The following MCUB variants were observed in gnomAD, a reference collection of about 807,000 sequenced individuals.
MCUB encodes the protein mitochondrial calcium uniporter dominant negative subunit beta, also known as calcium uniporter regulatory subunit MCUb, mitochondrial.
A neutral mutation model predicts 41.4 loss-of-function variants in MCUB; 46 were observed. The observed-to-expected ratio is 1.11, with a 90% CI of 0.88 to 1.42. The LOEUF is 1.42. Among genes scored for constraint, MCUB ranks in the 40% most tolerant of loss-of-function variants. The pLI is 0.00. For missense variants in MCUB, 403 were observed against 404.9 expected, an observed-to-expected ratio of 1.00 and a Z score of 0.04; for synonymous variants, 148 against 148.2, an observed-to-expected ratio of 1.00 and a Z score of 0.01.
chr4:109,564,903 A>G (rs903271166), intron 1 of MCUB, among the ~76,000 whole-genome samples: 2 of 152,212 alleles, frequency 1.3e-5, no homozygotes, highest in Admixed American at 1.3e-4. Context: ...TTTCTTTGAG[A>G]GAGAACTATA....
chr4:109,604,971 C>A (rs1239496096), intron 1 of MCUB, among the ~76,000 whole-genome samples: 1 of 152,076 alleles, frequency 6.6e-6, no homozygotes, highest in Non-Finnish European at 1.5e-5. Flanking sequence ...GGATATTGAC[C>A]TGTAGATTTC....
At chr4:109,656,241 G>A (rs951822926) in intron 1 of MCUB, among the ~76,000 whole-genome samples, 3 of 151,512 alleles carry the variant, frequency 2.0e-5, no homozygotes, top group Non-Finnish European at 4.4e-5. Context: ...GGTAGGTAAC[G>A]TGTAGAAAAA....
chr4:109,680,960 TG>T (rs1381507277), intron 4 of MCUB, among the ~76,000 whole-genome samples: 2 of 152,164 alleles, frequency 1.3e-5, no homozygotes, highest in African/African-American at 4.8e-5. Context: ...TATAAACCCA[TG>T]GAGGAGGTGG....
At chr4:109,623,070 C>T (rs1182234730) in intron 1 of MCUB, among the ~76,000 whole-genome samples, 10 of 152,100 alleles carry the variant, frequency 6.6e-5, no homozygotes, top group Non-Finnish European at 1.3e-4. Flanking sequence ...TCAAGATAAT[C>T]GCCCTGCATG....
At chr4:109,618,107 C>T (rs1339033992) in intron 1 of MCUB, among the ~76,000 whole-genome samples, 3 of 152,150 alleles carry the variant, frequency 2.0e-5, no homozygotes, top group Non-Finnish European at 4.4e-5. Flanking sequence ...AAGCTATACC[C>T]AGTCTTTCTG....
intron 4 of MCUB, among the ~76,000 whole-genome samples, chr4:109,665,161 T>G (rs1250184852): frequency 1.3e-5 from 2 of 152,228 alleles, no homozygotes; most frequent in Non-Finnish European, 2.9e-5. Context: ...GTGTTGTATA[T>G]TCTATAGATT....
At chr4:109,567,402 A>C (rs1370218299) in intron 1 of MCUB, among the ~76,000 whole-genome samples, 1 of 152,066 alleles carries the variant, frequency 6.6e-6, no homozygotes, top group Non-Finnish European at 1.5e-5. Context: ...TGTACAGTAC[A>C]TACATGTTAT....
At chr4:109,641,751 T>A (rs1271511694) in intron 1 of MCUB, among the ~76,000 whole-genome samples, 1 of 152,244 alleles carries the variant, frequency 6.6e-6, no homozygotes, top group Non-Finnish European at 1.5e-5. Context: ...TTGTCAGTTC[T>A]CTGTGTATTC....
intron 1 of MCUB, among the ~76,000 whole-genome samples, chr4:109,610,101 C>G (rs1462385635): frequency 6.6e-6 from 1 of 152,200 alleles, no homozygotes; most frequent in Non-Finnish European, 1.5e-5. Context: ...CCAATGTTCA[C>G]TTAAGGCCCA....
At chr4:109,628,710 G>A (rs6830801) in intron 1 of MCUB, among the ~76,000 whole-genome samples, 16,049 of 152,220 alleles carry the variant, frequency 0.11, 944 homozygotes, top group African/African-American at 0.14. Context: ...GGAAAAGTAG[G>A]TGAAGGGCTG....
intron 4 of MCUB, among the ~76,000 whole-genome samples, chr4:109,681,251 T>C (rs750784908): frequency 2.0e-5 from 3 of 151,912 alleles, no homozygotes; most frequent in Non-Finnish European, 4.4e-5. Flanking sequence ...ATTTTTAGAG[T>C]TGTGACAAGT....
At chr4:109,670,440 AG>A in intron 4 of MCUB, among the ~76,000 whole-genome samples, 1 of 152,308 alleles carries the variant, frequency 6.6e-6, no homozygotes, top group South Asian at 2.1e-4. Context: ...GAATTTGGCC[AG>A]GCGCAGTGGT....
chr4:109,612,911 C>T (rs959468940), intron 1 of MCUB, among the ~76,000 whole-genome samples: 1 of 152,130 alleles, frequency 6.6e-6, no homozygotes, highest in African/African-American at 2.4e-5. Context: ...TCAAGACCAT[C>T]CTGGCTAACA....
intron 4 of MCUB, among the ~76,000 whole-genome samples, chr4:109,668,418 TC>T (rs977465882): frequency 2.0e-5 from 3 of 152,168 alleles, no homozygotes; most frequent in African/African-American, 7.2e-5. Context: ...CTTTCCTTGC[TC>T]TAATGTCTGT....
rs1411824370 is a variant in MCUB, at chr4:109,688,302, T to TGTTA, written c.*711_*714dup. The TGTTA allele has an allele frequency of 6.6e-6, 1 of 152,358 alleles. No homozygotes were observed. Among genetic ancestry groups the TGTTA allele is most frequent in the African/African-American group, 2.4e-5 (1 of 41,574 alleles). The allele number at this position is 152,358 out of a possible 1,614,324, so 9.4% of individuals were successfully genotyped here. A position where few individuals can be genotyped will look rare whatever the true frequency, so the allele number is the denominator to read the frequency against. On this transcript the variant is annotated 3_prime_UTR_variant, in exon 8 of 8. Coordinates refer to ENST00000394650, the MANE Select transcript of MCUB (RefSeq NM_017918.5). ...AGAATTGAACCTTGAAAGTAACATCTGTTATTCTATTAATGTGATTGTGTG... is the reference window on the plus strand; with the variant it reads ...AGAATTGAACCTTGAAAGTAACATCTGTTAGTTATTCTATTAATGTGATTGTGTG...
intron 3 of MCUB, among the ~76,000 whole-genome samples, chr4:109,661,073 T>C (rs1045554950): frequency 6.6e-6 from 1 of 152,216 alleles, no homozygotes; most frequent in African/African-American, 2.4e-5. Flanking sequence ...ACCACTGTTA[T>C]AAAGCAATTA....
At chr4:109,579,434 G>C (rs778070679) in intron 1 of MCUB, among the ~76,000 whole-genome samples, 6 of 152,130 alleles carry the variant, frequency 3.9e-5, no homozygotes, top group Non-Finnish European at 7.3e-5. Flanking sequence ...ATTTTTAGTA[G>C]AGACGGGGTT....
intron 1 of MCUB, among the ~76,000 whole-genome samples, chr4:109,602,402 A>G (rs1339637648): frequency 2.0e-5 from 3 of 152,230 alleles, no homozygotes; most frequent in Non-Finnish European, 4.4e-5. Context: ...AGCAAGAAAT[A>G]GGGGTTTAGT....
At chr4:109,591,855 C>T (rs1030719109) in intron 1 of MCUB, among the ~76,000 whole-genome samples, 1 of 151,842 alleles carries the variant, frequency 6.6e-6, no homozygotes, top group Non-Finnish European at 1.5e-5. Context: ...TGCGCCACCA[C>T]ACCTGGCTAA....
Sources: allele counts gnomAD v4.1 joint callset (sites outside exome capture counted in the v4.1 genomes callset), GRCh38; gene constraint gnomAD v4.1.1; transcripts MANE v1.5; gene names NCBI Gene and HGNC (gene_info 2026-07-23, HGNC 2026-07-21).